LARP1: variants seen among roughly 807,000 people sequenced by gnomAD.
The protein encoded by LARP1 is la-related protein 1.
LARP1 carries 36 observed loss-of-function variants against 122.7 expected under a neutral mutation model. The ratio of observed to expected loss-of-function variants is 0.29; its 90% CI spans 0.22 to 0.39. The LOEUF is 0.39. Ranked by LOEUF, LARP1 falls within the 10% of genes least tolerant of loss-of-function variation. The pLI, the probability that LARP1 is intolerant of heterozygous loss-of-function variation, is 1.00. For missense variants in LARP1, 1,040 were observed against 1,403.6 expected (o/e 0.74, Z 4.14); for synonymous variants, 539 against 528.7 (o/e 1.02, Z -0.27).
At chr5:154,780,489 A>C (rs1055019177) in intron 1 of LARP1, among the ~76,000 whole-genome samples, 5 of 152,278 alleles carry the variant, frequency 3.3e-5, no homozygotes, top group Admixed American at 3.3e-4. Context: ...TATTTTGTTG[A>C]GGAGCAGATA....
chr5:154,690,643 C>T (rs1450787027), intron 1 of LARP1, among the ~76,000 whole-genome samples: 1 of 152,212 alleles, frequency 6.6e-6, no homozygotes, highest in Non-Finnish European at 1.5e-5. Context: ...GGTGATATGG[C>T]TGAGCAGCAG....
At chr5:154,752,297 C>A (rs1344795328), upstream of LARP1, among the ~76,000 whole-genome samples, 1 of 151,966 alleles carries the variant, frequency 6.6e-6, no homozygotes, top group Non-Finnish European at 1.5e-5. Flanking sequence ...GGATGGAGTG[C>A]AGTGGGGTGA....
intron 1 of LARP1, among the ~76,000 whole-genome samples, chr5:154,700,152 A>G (rs1754646771): frequency 6.6e-6 from 1 of 152,206 alleles, no homozygotes; most frequent in Non-Finnish European, 1.5e-5. Flanking sequence ...TGCAGTAATC[A>G]AATAATATTT....
intron 3 of LARP1, among the ~76,000 whole-genome samples, 191 bp downstream of exon 3, chr5:154,790,901 T>C (rs546125921): frequency 2.0e-4 from 30 of 152,264 alleles, no homozygotes; most frequent in Admixed American, 3.9e-4. Flanking sequence ...CACTGCAACC[T>C]CCACCTCCTG....
At position 154,802,309 on chromosome 5, in the gene LARP1, C is replaced by G; in HGVS notation, c.2019C>G (p.Ala673=). 6.2e-7 allele frequency: 1 copy of G among 1,614,184 alleles called. No homozygotes were observed. Among genetic ancestry groups the G allele is most frequent in the Non-Finnish European group, 8.5e-7 (1 of 1,180,036 alleles). ...GNHTSRAKMS[A]ELAKVINDGL... ...ACACCTCGCGTGCCAAGATGAGCGCCGAACTGGCCAAGGTCATTAATGATG... is the reference window on the plus strand; with the variant it reads ...ACACCTCGCGTGCCAAGATGAGCGCGGAACTGGCCAAGGTCATTAATGATG... The change falls in exon 11 of 19, where the codon GCC becomes GCG. Residue 673 remains alanine, a synonymous_variant. Coordinates refer to ENST00000518297, the MANE Select transcript of LARP1 (RefSeq NM_033551.3). The surrounding 1 kb of genome is among the most constrained non-coding windows in gnomAD (Gnocchi z 5.1).
intron 1 of LARP1, among the ~76,000 whole-genome samples, chr5:154,787,346 T>C (rs1756972120): frequency 6.6e-6 from 1 of 152,224 alleles, no homozygotes. Context: ...AGGATTGGTT[T>C]GCATTGGCGG....
intron 15 of LARP1, among the ~76,000 whole-genome samples, chr5:154,807,821 T>A (rs1442432810): frequency 6.6e-6 from 1 of 152,226 alleles, no homozygotes; most frequent in Non-Finnish European, 1.5e-5. Flanking sequence ...CACAAAGTGC[T>A]GGAATTACAG....
At chr5:154,766,234 G>C (rs1754939802) in intron 1 of LARP1, among the ~76,000 whole-genome samples, 1 of 152,132 alleles carries the variant, frequency 6.6e-6, no homozygotes, top group Non-Finnish European at 1.5e-5. Context: ...GGAGTGGAGA[G>C]ACATCGAAGA....
At chr5:154,701,072 G>A (rs1026226216) in intron 1 of LARP1, among the ~76,000 whole-genome samples, 6 of 152,182 alleles carry the variant, frequency 3.9e-5, no homozygotes, top group Non-Finnish European at 1.5e-5. Context: ...ATCTCCCAAA[G>A]TGTTGGGATT....
chr5:154,806,499 A>C (rs1255201596), intron 15 of LARP1, among the ~76,000 whole-genome samples: 3 of 152,202 alleles, frequency 2.0e-5, no homozygotes, highest in Non-Finnish European at 2.9e-5. Flanking sequence ...GTAAGAAAAA[A>C]AGATTTGTGA....
At chr5:154,769,687 G>T (rs891980525) in intron 1 of LARP1, among the ~76,000 whole-genome samples, 1 of 152,210 alleles carries the variant, frequency 6.6e-6, no homozygotes, top group African/African-American at 2.4e-5. Flanking sequence ...CCTCATCTGC[G>T]AAATGGATAT....
intron 1 of LARP1, among the ~76,000 whole-genome samples, chr5:154,731,479 A>G (rs1004401191): frequency 6.6e-6 from 1 of 152,142 alleles, no homozygotes; most frequent in Non-Finnish European, 1.5e-5. Context: ...GCAAAAACAC[A>G]TTCCAGAAGG....
intron 1 of LARP1, among the ~76,000 whole-genome samples, chr5:154,716,280 CA>C: frequency 6.6e-6 from 1 of 152,030 alleles, no homozygotes. Flanking sequence ...CCACCACGCC[CA>C]GCTATTTTTT....
chr5:154,808,392 T>A (rs1243181041), intron 15 of LARP1, 67 bp from the exon 16 acceptor site: 9 of 1,559,726 alleles, frequency 5.8e-6, no homozygotes, highest in Non-Finnish European at 7.8e-6. Flanking sequence ...AGTTCCAGGA[T>A]CCTTTCTCCC....
In LARP1 at chr5:154,802,241, C is replaced by T. The variant is rs1215771802; in HGVS notation, c.1951C>T (p.His651Tyr). The change falls in exon 11 of 19, where the codon CAT becomes TAT. Residue 651 changes from histidine (H) to tyrosine (Y), a missense_variant. Physicochemically the swap from His to Tyr is moderately conservative, Grantham distance 83. Coordinates refer to ENST00000518297, the MANE Select transcript of LARP1 (RefSeq NM_033551.3). The surrounding 1 kb of genome is among the most constrained non-coding windows in gnomAD (Gnocchi z 5.1). ...GATCCTCATTGTCACCCAGACACCA[C>T]ATTACATGCGCCGGCACCCAGGGGG... ...NKILIVTQTP[H>Y]YMRRHPGGDR... The T allele has an allele frequency of 3.1e-6, 5 of 1,614,108 alleles. No individual in the cohort carries two copies. The highest frequency in any genetic ancestry group is 4.2e-6 in the Non-Finnish European group (5 of 1,180,052).
rs978493893 is a variant in LARP1 at position 154,719,907 on chromosome 5, A to ACTGG, written c.205+6779_205+6782dup. 2.0e-5 allele frequency among the ~76,000 whole-genome samples: 3 copies of ACTGG among 148,398 alleles called. No individual in the cohort carries two copies. The Admixed American group carries it at 2.0e-4, about 10-fold the overall frequency. The stretch of plus-strand genomic sequence containing the variant: ...ATAACTATGGTAATTTTAAAGTAAC[A>ACTGG]CTGGCCGGGCATGGTGGCTTATGCC... On this transcript the variant is annotated intron_variant, in intron 1 of 18. Coordinates refer to the LARP1 transcript ENST00000336314.
intron 8 of LARP1, among the ~76,000 whole-genome samples, chr5:154,796,032 TTA>T (rs1212883107): frequency 2.8e-5 from 3 of 106,148 alleles, no homozygotes; most frequent in South Asian, 2.4e-4. Flanking sequence ...ATATATATTT[TTA>T]TATATATTAT....
intron 3 of LARP1, chr5:154,791,823 A>G (rs1757377028): frequency 2.7e-6 from 1 of 368,324 alleles, no homozygotes; most frequent in Non-Finnish European, 5.7e-6. Flanking sequence ...AGTCCTGTGT[A>G]TAAGTGGACC....
At position 154,688,015 on chromosome 5, in the gene LARP1, G is replaced by T. The variant is rs140907500; in HGVS notation, c.-180+4978G>T. Among the ~76,000 whole-genome samples the T allele has an allele frequency of 4.5e-3, 688 of 152,288 alleles. 3 individuals are homozygous for T. The highest frequency in any genetic ancestry group is 5.4e-3 in the Non-Finnish European group (370 of 68,014). On this transcript the variant is annotated intron_variant, in intron 1 of 18. Coordinates refer to the LARP1 transcript ENST00000687700. ...GAGATGCATGTCCCTCAGTTTCCCT[G>T]TGCCTCCCTTTCTGAGTAGGTGTAC...
Sources: gnomAD v4.1 joint callset for allele counts (sites outside exome capture counted in the v4.1 genomes callset) on GRCh38, gnomAD v4.1.1 for gene constraint, Gnocchi (gnomAD v3.1) non-coding constraint, MANE v1.5 for transcripts, NCBI Gene and HGNC (gene_info 2026-07-23, HGNC 2026-07-21) for gene names.